Variants in PAX5 observed in about 807,000 individuals in gnomAD.
The protein encoded by PAX5 is paired box 5.
PAX5 carries 9 observed loss-of-function variants against 43.7 expected under a neutral mutation model. That is an observed-to-expected ratio of 0.21 (90% CI 0.12 to 0.36). PAX5 has a LOEUF of 0.36. PAX5 is among the 10% of genes least tolerant of loss of function. The pLI is 1.00. For synonymous variants in PAX5, 228 were observed against 214.3 expected (o/e 1.06, Z -0.56); for missense variants, 383 against 532.7 (o/e 0.72, Z 2.77).
rs1412543781 is a variant in PAX5 at position 36,980,984 on chromosome 9, G to T, written c.605-14260C>A. ...CCTCGTTTCCTCCCACTCTTTCCCC[G>T]CTTATTCTGCTCCTGCCACACTCGC... On this transcript the variant is annotated intron_variant, in intron 5 of 9. Coordinates refer to ENST00000358127, the MANE Select transcript of PAX5 (RefSeq NM_016734.3). Among the ~76,000 whole-genome samples, 3 of 151,734 alleles carry T rather than the reference G, an allele frequency of 2.0e-5. No homozygotes were observed. The South Asian group carries it at 6.2e-4, about 32-fold the overall frequency.
chr9:36,982,556 C>A (rs1836028389), intron 5 of PAX5, among the ~76,000 whole-genome samples: 1 of 152,158 alleles, frequency 6.6e-6, no homozygotes, highest in Non-Finnish European at 1.5e-5. Flanking sequence ...AAGAACCTGT[C>A]CAGTGCAGGA....
At chr9:36,878,235 C>T (rs1239163060) in intron 8 of PAX5, among the ~76,000 whole-genome samples, 1 of 152,240 alleles carries the variant, frequency 6.6e-6, no homozygotes, top group Non-Finnish European at 1.5e-5. Context: ...AGGAAACTAA[C>T]ACACAGGTCC....
chr9:36,966,047 C>T (rs1190053503), intron 6 of PAX5, among the ~76,000 whole-genome samples: 1 of 152,228 alleles, frequency 6.6e-6, no homozygotes, highest in Non-Finnish European at 1.5e-5. Flanking sequence ...ATTTCTTTAT[C>T]TCCAGAATTT....
At chr9:37,025,892 GAGA>G (rs946094562) in intron 1 of PAX5, among the ~76,000 whole-genome samples, 18 of 152,228 alleles carry the variant, frequency 1.2e-4, no homozygotes, top group African/African-American at 4.3e-4. Context: ...GCGTCCTGCA[GAGA>G]AGGACCCAAT....
At chr9:36,955,249 T>C (rs1478822167) in intron 6 of PAX5, among the ~76,000 whole-genome samples, 1 of 152,178 alleles carries the variant, frequency 6.6e-6, no homozygotes, top group Non-Finnish European at 1.5e-5. Flanking sequence ...CTTGGGTGGT[T>C]TGACATTTTT....
chr9:36,896,507 C>T (rs1827882390), intron 7 of PAX5, among the ~76,000 whole-genome samples: 1 of 152,102 alleles, frequency 6.6e-6, no homozygotes, highest in Non-Finnish European at 1.5e-5. Context: ...TAATGTGCTG[C>T]AGAGAACATG....
At chr9:36,894,235 C>G (rs1827663509) in intron 7 of PAX5, among the ~76,000 whole-genome samples, 1 of 152,154 alleles carries the variant, frequency 6.6e-6, no homozygotes, top group Non-Finnish European at 1.5e-5. Flanking sequence ...CCAGGGCTGG[C>G]AGTATTCCCA....
chr9:36,947,242 A>T (rs537312535), intron 6 of PAX5, among the ~76,000 whole-genome samples: 3 of 152,304 alleles, frequency 2.0e-5, no homozygotes, highest in African/African-American at 7.2e-5. Context: ...CCAAAGTGAC[A>T]AGCCCTGATG....
At chr9:37,000,690 C>G (rs3824344) in intron 5 of PAX5, among the ~76,000 whole-genome samples, 88 of 152,174 alleles carry the variant, frequency 5.8e-4, no homozygotes, top group African/African-American at 2.1e-3. Context: ...GCCACTTAGT[C>G]TCTGCTTACA....
chr9:36,879,986 A>G (rs1053850767), intron 8 of PAX5, among the ~76,000 whole-genome samples: 5 of 152,270 alleles, frequency 3.3e-5, no homozygotes, highest in Non-Finnish European at 5.9e-5. Flanking sequence ...GGCAAGGCCC[A>G]GGACAAGAGT....
At chr9:36,975,104 A>G (rs961762612) in intron 5 of PAX5, among the ~76,000 whole-genome samples, 3 of 152,258 alleles carry the variant, frequency 2.0e-5, no homozygotes, top group African/African-American at 7.2e-5. Context: ...ATGGGCCACC[A>G]CTATGGCCTG....
intron 7 of PAX5, among the ~76,000 whole-genome samples, chr9:36,908,868 G>T (rs1312518944): frequency 6.6e-6 from 1 of 152,216 alleles, no homozygotes; most frequent in East Asian, 1.9e-4. Flanking sequence ...TATAAGGTCA[G>T]AAACAACTGG....
At chr9:36,954,232 C>T (rs2132124112) in intron 6 of PAX5, among the ~76,000 whole-genome samples, 2 of 152,058 alleles carry the variant, frequency 1.3e-5, no homozygotes, top group South Asian at 4.1e-4. Context: ...TCATGTTAAT[C>T]TGGCAGATCT....
At chr9:36,973,432 T>C (rs140511536) in intron 5 of PAX5, among the ~76,000 whole-genome samples, 95 of 152,306 alleles carry the variant, frequency 6.2e-4, no homozygotes, top group African/African-American at 2.2e-3. Context: ...TGATGTGACT[T>C]GGGGCATTTT....
chr9:36,891,689 A>G (rs1827402144), intron 7 of PAX5, among the ~76,000 whole-genome samples: 1 of 152,230 alleles, frequency 6.6e-6, no homozygotes, highest in African/African-American at 2.4e-5. Context: ...GCTCCTAATG[A>G]CAGGTTTATT....
At chr9:36,977,306 T>TG (rs966232227) in intron 5 of PAX5, among the ~76,000 whole-genome samples, 9 of 26,410 alleles carry the variant, frequency 3.4e-4, no homozygotes, top group African/African-American at 1.2e-3. Flanking sequence ...ATCTAAAGAT[T>TG]GGGGGGGTGG....
At chr9:36,923,207 G>C in intron 7 of PAX5, 148 bp downstream of exon 7, 1 of 900,058 alleles carries the variant, frequency 1.1e-6, no homozygotes, top group Non-Finnish European at 1.7e-6. Context: ...CCTGGCCCCA[G>C]CACCTGACCT....
At position 37,003,154 on chromosome 9, in the gene PAX5, T is replaced by TAAAAAAAAAAAAAAAA. The variant is rs67081521; in HGVS notation, c.476-394_476-379dup. 1.5e-4 allele frequency among the ~76,000 whole-genome samples: 11 copies of TAAAAAAAAAAAAAAAA among 75,830 alleles called. No individual in the cohort carries two copies. The East Asian group carries it at 4.1e-3, about 28-fold the overall frequency. 49.7% of individuals were successfully genotyped at this position (75,830 alleles called of 152,430 possible). A position where few individuals can be genotyped will look rare whatever the true frequency, so the allele number is the denominator to read the frequency against. On this transcript the variant is annotated intron_variant, in intron 4 of 9. Transcript: ENST00000358127. ...CCGGGGCCCACCAACAGTCAGTGCT[T>TAAAAAAAAAAAAAAAA]AAAAAAAAAAAAAAAAAAAAAAAAA... is the stretch of plus-strand genomic sequence containing the variant.
chr9:36,855,293 A>G (rs528991341), intron 8 of PAX5, among the ~76,000 whole-genome samples: 42 of 152,316 alleles, frequency 2.8e-4, no homozygotes, highest in African/African-American at 9.6e-4. Flanking sequence ...ACTTCCATCT[A>G]TCTAGATCTG....
Sources: gnomAD v4.1 joint callset for allele counts (sites outside exome capture counted in the v4.1 genomes callset) on GRCh38, gnomAD v4.1.1 for gene constraint, MANE v1.5 for transcripts, NCBI Gene and HGNC (gene_info 2026-07-23, HGNC 2026-07-21) for gene names.